NEDD9: variants seen among roughly 807,000 people sequenced by gnomAD.
NEDD9 encodes the protein enhancer of filamentation 1.
A neutral mutation model predicts 76.6 loss-of-function variants in NEDD9; 26 were observed. That is an observed-to-expected ratio of 0.34 (90% confidence interval 0.25 to 0.47). The LOEUF (loss-of-function observed/expected upper bound fraction) is 0.47. Ranked by LOEUF, NEDD9 falls within the 20% of genes least tolerant of loss-of-function variation. The pLI is 1.00. For missense variants in NEDD9, 937 were observed against 1,058.5 expected (o/e 0.89, Z 1.59); for synonymous variants, 392 against 414.2 (o/e 0.95, Z 0.65).
At chr6:11,244,892 T>C (rs976891661) in intron 3 of NEDD9, among the ~76,000 whole-genome samples, 1 of 152,220 alleles carries the variant, frequency 6.6e-6, no homozygotes, top group Non-Finnish European at 1.5e-5. Context: ...TGAAGTCTAC[T>C]CTTAGACAAC....
At chr6:11,332,604 T>C (rs973490877) in intron 2 of NEDD9, among the ~76,000 whole-genome samples, 2 of 152,236 alleles carry the variant, frequency 1.3e-5, no homozygotes, top group Non-Finnish European at 2.9e-5. Context: ...TAGATGCTCC[T>C]TTGCACTCTG....
intron 3 of NEDD9, among the ~76,000 whole-genome samples, chr6:11,257,956 C>T (rs931644640): frequency 6.6e-6 from 1 of 152,138 alleles, no homozygotes; most frequent in Admixed American, 6.5e-5. Flanking sequence ...CATTTACAGT[C>T]AAATATAAAT....
intron 1 of NEDD9, among the ~76,000 whole-genome samples, chr6:11,214,359 A>G (rs928694173): frequency 6.6e-6 from 1 of 152,266 alleles, no homozygotes; most frequent in Non-Finnish European, 1.5e-5. Context: ...CAGCAGCCAT[A>G]TACATCTCCA....
rs765524085 is a variant in NEDD9 at position 11,213,667 on chromosome 6, G to A, written c.73C>T (p.Arg25Cys). 46 of 1,614,006 alleles carry A rather than the reference G, an allele frequency of 2.9e-5. No individual in the cohort carries two copies. Among genetic ancestry groups the A allele is most frequent in the Non-Finnish European group, 3.5e-5 (41 of 1,180,028 alleles). ...VPECAEELAF[R>C]KGDILTVIEQ... ...ATGACGGTCAGGATGTCTCCCTTGC[G>A]AAAGGCCAGTTCCTCGGCACACTCT... Residue 25 changes from arginine (R) to cysteine (C), a missense_variant, in exon 2 of 7, where the codon CGC becomes TGC. Transcript: ENST00000379446. This position sits in a 1 kb window ranked among gnomAD's most constrained non-coding sequence, Gnocchi z 5.4.
In NEDD9 at chr6:11,225,800, CTT is replaced by C. The variant is rs5874311; in HGVS notation, c.12+6702_12+6703del. 9.4e-3 allele frequency among the ~76,000 whole-genome samples: 1,266 copies of C among 135,114 alleles called. 19 individuals are homozygous for C. The highest frequency in any genetic ancestry group is 0.028 in the African/African-American group (1,026 of 36,188). The allele number at this position is 135,114 out of a possible 152,430, so 88.6% of individuals were successfully genotyped here. ...ACAGGTGTGAGCCACCGCGCCCGGCCTTTTTTTTTTTTTTTTTTTAAAGAATA... is the reference window on the plus strand; with the variant it reads ...ACAGGTGTGAGCCACCGCGCCCGGCCTTTTTTTTTTTTTTTTTAAAGAATA... On this transcript the variant is annotated intron_variant, in intron 1 of 6. Coordinates refer to ENST00000379446, the MANE Select transcript of NEDD9 (RefSeq NM_006403.4).
chr6:11,300,419 A>G (rs1761018505), intron 3 of NEDD9, among the ~76,000 whole-genome samples: 1 of 152,244 alleles, frequency 6.6e-6, no homozygotes, highest in Admixed American at 6.5e-5. Context: ...GAAGAATGGA[A>G]TCAAGTTGGA....
intron 2 of NEDD9, among the ~76,000 whole-genome samples, chr6:11,322,810 G>A (rs1000431793): frequency 3.3e-5 from 5 of 152,146 alleles, no homozygotes; most frequent in African/African-American, 1.2e-4. Flanking sequence ...GAGGCCTGGG[G>A]ACCTGCATTG....
intron 2 of NEDD9, among the ~76,000 whole-genome samples, chr6:11,205,652 G>A (rs1306392849): frequency 6.6e-6 from 1 of 150,752 alleles, no homozygotes; most frequent in Non-Finnish European, 1.5e-5. Flanking sequence ...TTGAGACAGA[G>A]TTTTGCTCTT....
chr6:11,358,310 G>A (rs1582048199), intron 1 of NEDD9, among the ~76,000 whole-genome samples: 1 of 149,378 alleles, frequency 6.7e-6, no homozygotes, highest in East Asian at 2.0e-4. Context: ...CAGCAGCACT[G>A]TAGGAATAAC....
At chr6:11,297,734 A>G (rs1175464886) in intron 3 of NEDD9, among the ~76,000 whole-genome samples, 1 of 152,178 alleles carries the variant, frequency 6.6e-6, no homozygotes, top group Non-Finnish European at 1.5e-5. Flanking sequence ...AGCAACATGC[A>G]TGTTTAATCA....
chr6:11,186,136 C>T (rs1182633020), intron 6 of NEDD9, among the ~76,000 whole-genome samples: 2 of 152,140 alleles, frequency 1.3e-5, no homozygotes, highest in African/African-American at 2.4e-5. Flanking sequence ...CCTCGACTAT[C>T]TCAGGATGCT....
chr6:11,330,280 T>A (rs984336707), intron 2 of NEDD9, among the ~76,000 whole-genome samples: 1 of 152,192 alleles, frequency 6.6e-6, no homozygotes, highest in Non-Finnish European at 1.5e-5. Context: ...TAGCTAAGAC[T>A]TTAACCCGTG....
At chr6:11,298,138 C>A (rs1391666972) in intron 3 of NEDD9, among the ~76,000 whole-genome samples, 1 of 152,068 alleles carries the variant, frequency 6.6e-6, no homozygotes, top group African/African-American at 2.4e-5. Context: ...GAACTCCTGA[C>A]CTCAACTTAT....
At chr6:11,363,061 A>T (rs996312022) in intron 1 of NEDD9, among the ~76,000 whole-genome samples, 8 of 152,194 alleles carry the variant, frequency 5.3e-5, no homozygotes, top group Admixed American at 5.2e-4. Context: ...TCTTTGAAAA[A>T]AAAAATACTA....
intron 2 of NEDD9, among the ~76,000 whole-genome samples, chr6:11,323,959 C>T (rs1761868650): frequency 6.6e-6 from 1 of 152,180 alleles, no homozygotes; most frequent in African/African-American, 2.4e-5. Context: ...GAGGTTGCCT[C>T]ACTCCTAGAA....
intron 2 of NEDD9, among the ~76,000 whole-genome samples, chr6:11,318,553 G>A (rs1761650707): frequency 6.6e-6 from 1 of 152,092 alleles, no homozygotes; most frequent in Non-Finnish European, 1.5e-5. Flanking sequence ...ATAGAAACAA[G>A]GCTTCCTAGC....
chr6:11,356,336 G>A (rs998577211), intron 1 of NEDD9, among the ~76,000 whole-genome samples: 8 of 152,264 alleles, frequency 5.3e-5, no homozygotes, highest in Middle Eastern at 3.4e-3. Flanking sequence ...TTTCTACTCC[G>A]TTGGAATTGG....
intron 1 of NEDD9, among the ~76,000 whole-genome samples, chr6:11,354,809 T>G (rs1239111290): frequency 6.6e-6 from 1 of 152,116 alleles, no homozygotes; most frequent in Non-Finnish European, 1.5e-5. Context: ...ATAGCACAAG[T>G]CAGCCCAAAC....
chr6:11,228,484 G>A (rs1759374253), intron 1 of NEDD9, among the ~76,000 whole-genome samples: 1 of 151,976 alleles, frequency 6.6e-6, no homozygotes, highest in Non-Finnish European at 1.5e-5. Context: ...GAGCTGAGGT[G>A]GCACCACTGC....
Sources: allele counts gnomAD v4.1 joint callset (sites outside exome capture counted in the v4.1 genomes callset), GRCh38; gene constraint gnomAD v4.1.1; non-coding constraint Gnocchi (gnomAD v3.1); transcripts MANE v1.5; gene names NCBI Gene and HGNC (gene_info 2026-07-23, HGNC 2026-07-21).